The following PCNX1 variants were observed in gnomAD, a reference collection of about 807,000 sequenced individuals.
The protein encoded by PCNX1 is pecanex-like protein 1.
In PCNX1, 78 loss-of-function variants were observed where a neutral mutation model predicts 242.2. That is an observed-to-expected ratio of 0.32 (90% CI 0.27 to 0.39). PCNX1 has a LOEUF of 0.39. Ranked by LOEUF, PCNX1 falls within the 10% of genes least tolerant of loss-of-function variation. PCNX1 has a pLI of 1.00. For missense variants in PCNX1, 2,581 were observed against 2,856.5 expected (o/e 0.90, Z 2.20); for synonymous variants, 1,024 against 1,032.9 (o/e 0.99, Z 0.17).
chr14:71,111,119 G>A lies in PCNX1; in HGVS notation c.*1184G>A, dbSNP rs2062746597. The A allele has an allele frequency of 6.6e-6, 1 of 152,218 alleles. No individual in the cohort carries two copies. Among genetic ancestry groups the A allele is most frequent in the Non-Finnish European group, 1.5e-5 (1 of 67,994 alleles). 9.4% of individuals were successfully genotyped at this position (152,218 alleles called of 1,614,324 possible). ...TTTTATTTCCTGTAATTTATAGTGTGTAGCTGTAAATTGAAATATTTATAA... is the reference window on the plus strand; with the variant it reads ...TTTTATTTCCTGTAATTTATAGTGTATAGCTGTAAATTGAAATATTTATAA... On this transcript the variant is annotated 3_prime_UTR_variant, in exon 36 of 36. Transcript: ENST00000304743.
intron 8 of PCNX1, among the ~76,000 whole-genome samples, chr14:71,000,609 C>T (rs567313664): frequency 6.6e-6 from 1 of 150,816 alleles, no homozygotes; most frequent in Non-Finnish European, 1.5e-5. Context: ...TCACTGCAAC[C>T]TCCGCCTCCT....
chr14:71,051,805 T>C (rs751171539), intron 23 of PCNX1, 78 bp from the exon 24 acceptor site: 13 of 1,391,332 alleles, frequency 9.3e-6, no homozygotes, highest in Admixed American at 8.2e-5. Flanking sequence ...TCTAAATGTG[T>C]CTGCTAGGTT....
Position 71,009,701 on chromosome 14 carries a change from A to C in PCNX1, c.2697A>C (p.Ala899=). The C allele has an allele frequency of 6.3e-7, 1 of 1,599,748 alleles. No individual in the cohort carries two copies. The highest frequency in any genetic ancestry group is 8.6e-7 in the Non-Finnish European group (1 of 1,169,056). ...TGTCACTTGTGAATTTTGAACCAGC[A>C]GCAAGAAGAGCATCCAATATCTGGT... The part of the protein sequence containing the change: ...CDMSLVNFEP[A]ARRASNICDT... The change falls in exon 9 of 36, where the codon GCA becomes GCC. Residue 899 remains alanine (A), a synonymous_variant. Coordinates refer to ENST00000304743, the MANE Select transcript of PCNX1 (RefSeq NM_014982.3).
At chr14:71,107,451 A>G (rs2062656275) in intron 33 of PCNX1, among the ~76,000 whole-genome samples, 1 of 152,062 alleles carries the variant, frequency 6.6e-6, no homozygotes, top group South Asian at 2.1e-4. Context: ...TTAGGTGAAA[A>G]CCTAAAACTT....
chr14:70,968,252 G>T lies in PCNX1; in HGVS notation c.514+9G>T, dbSNP rs1272313505. 4 of 1,607,638 alleles carry T rather than the reference G, an allele frequency of 2.5e-6. No individual in the cohort carries two copies. In the African/African-American group the frequency reaches 5.4e-5, roughly 22 times the overall value. ...AGCAGCAACTATTAAAGGTAGGTGTGATCTAACTTAAAAGTTGCACCTGCC... is the reference window on the plus strand; with the variant it reads ...AGCAGCAACTATTAAAGGTAGGTGTTATCTAACTTAAAAGTTGCACCTGCC... On this transcript the variant is annotated intron_variant, in intron 4 of 35. Transcript: ENST00000304743.
At chr14:71,004,339 A>G (rs948469087) in intron 8 of PCNX1, among the ~76,000 whole-genome samples, 1 of 152,250 alleles carries the variant, frequency 6.6e-6, no homozygotes, top group Non-Finnish European at 1.5e-5. Flanking sequence ...GCGGCCTGTT[A>G]GGAACAGGGC....
chr14:70,981,085 G>T (rs983872357), intron 6 of PCNX1, among the ~76,000 whole-genome samples: 2 of 152,100 alleles, frequency 1.3e-5, no homozygotes, highest in Non-Finnish European at 2.9e-5. Flanking sequence ...GGGCTCCACT[G>T]TTGTGACTCT....
chr14:70,975,426 C>T (rs2058663698), intron 5 of PCNX1, among the ~76,000 whole-genome samples: 1 of 152,076 alleles, frequency 6.6e-6, no homozygotes, highest in African/African-American at 2.4e-5. Flanking sequence ...TGGTACACTC[C>T]AGAGGCTATC....
rs1308537593 is a variant in PCNX1 at position 71,113,999 on chromosome 14, A to G, written c.*4064A>G. The G allele has an allele frequency of 6.6e-6, 1 of 152,184 alleles. No homozygotes were observed. The highest frequency in any genetic ancestry group is 2.4e-5 in the African/African-American group (1 of 41,450). 9.4% of individuals were successfully genotyped at this position (152,184 alleles called of 1,614,324 possible). A position where few individuals can be genotyped will look rare whatever the true frequency, so the allele number is the denominator to read the frequency against. ...AGGATACATGGTTTAGATAAGGTAT[A>G]AAGTGTCCCTTTTTATTCTAGAGGC... On this transcript the variant is annotated 3_prime_UTR_variant, in exon 36 of 36. Coordinates refer to ENST00000304743, the MANE Select transcript of PCNX1 (RefSeq NM_014982.3).
chr14:70,914,218 A>G (rs1393447335), intron 1 of PCNX1, among the ~76,000 whole-genome samples: 1 of 152,188 alleles, frequency 6.6e-6, no homozygotes, highest in African/African-American at 2.4e-5. Flanking sequence ...TTGAAAAGCT[A>G]TACATTGGCT....
chr14:71,085,086 G>T (rs1156544534), intron 28 of PCNX1, among the ~76,000 whole-genome samples: 1 of 152,172 alleles, frequency 6.6e-6, no homozygotes, highest in African/African-American at 2.4e-5. Flanking sequence ...GCTTCCCTTG[G>T]CTAGGGGAGC....
intron 1 of PCNX1, among the ~76,000 whole-genome samples, chr14:70,937,042 CAG>C (rs1491304202): frequency 0.44 from 66,677 of 151,376 alleles, 15,972 homozygotes; most frequent in Non-Finnish European, 0.55. Context: ...AGCCCTTTGT[CAG>C]ATGGATAGAT....
chr14:71,006,518 TTGCTC>T (rs899073971), intron 8 of PCNX1, among the ~76,000 whole-genome samples: 3 of 152,170 alleles, frequency 2.0e-5, no homozygotes, highest in African/African-American at 4.8e-5. Flanking sequence ...ACATATTTCT[TTGCTC>T]TGCTTTCTAC....
At chr14:70,929,308 T>A (rs1005704597) in intron 1 of PCNX1, among the ~76,000 whole-genome samples, 3 of 152,090 alleles carry the variant, frequency 2.0e-5, no homozygotes, top group Non-Finnish European at 2.9e-5. Context: ...ACCATATGAC[T>A]ATATATATTT....
chr14:71,078,390 A>G (rs1371744529), intron 28 of PCNX1, among the ~76,000 whole-genome samples: 1 of 152,176 alleles, frequency 6.6e-6, no homozygotes, highest in Non-Finnish European at 1.5e-5. Context: ...CCCTTCTTCC[A>G]TAGTTTCCTT....
intron 1 of PCNX1, among the ~76,000 whole-genome samples, chr14:70,924,091 G>T (rs1031039029): frequency 2.0e-5 from 3 of 151,938 alleles, no homozygotes; most frequent in Non-Finnish European, 4.4e-5. Context: ...AATTACCTGG[G>T]CATGTTAGTA....
rs10132278 is a variant in PCNX1 at position 70,932,664 on chromosome 14, A to G, written c.154-14251A>G. Among the ~76,000 whole-genome samples, 1,292 of 151,862 alleles carry G rather than the reference A, an allele frequency of 8.5e-3. 10 individuals are homozygous for G. The highest frequency in any genetic ancestry group is 0.029 in the African/African-American group (1,199 of 41,414). ...TTTCGCTCTTGTTGCCCAGGCTGGA[A>G]TGCAATGGTGCAATCTTGGCTCACT... On this transcript the variant is annotated intron_variant, in intron 1 of 35. Coordinates refer to ENST00000304743, the MANE Select transcript of PCNX1 (RefSeq NM_014982.3).
intron 5 of PCNX1, among the ~76,000 whole-genome samples, chr14:70,971,510 T>C (rs899750920): frequency 6.6e-6 from 1 of 152,210 alleles, no homozygotes; most frequent in Non-Finnish European, 1.5e-5. Flanking sequence ...ACAAATATTG[T>C]CGAGTACTCT....
At chr14:70,973,758 A>G (rs1483830924) in intron 5 of PCNX1, among the ~76,000 whole-genome samples, 1 of 152,216 alleles carries the variant, frequency 6.6e-6, no homozygotes, top group East Asian at 1.9e-4. Flanking sequence ...TTATAAAAGT[A>G]ACATATATGT....
Sources: allele counts gnomAD v4.1 joint callset (sites outside exome capture counted in the v4.1 genomes callset), GRCh38; gene constraint gnomAD v4.1.1; transcripts MANE v1.5; gene names NCBI Gene and HGNC (gene_info 2026-07-23, HGNC 2026-07-21).